The following AP2B1 variants were observed in gnomAD, a reference collection of about 807,000 sequenced individuals.
AP2B1 encodes adaptor related protein complex 2 subunit beta 1.
AP2B1 carries 23 observed loss-of-function variants against 102.0 expected under a neutral mutation model. The observed-to-expected ratio is 0.23, with a 90% CI of 0.16 to 0.32. The LOEUF (loss-of-function observed/expected upper bound fraction) is 0.32. AP2B1 is among the 10% of genes least tolerant of loss of function. AP2B1 has a pLI of 1.00. For synonymous variants in AP2B1, 381 were observed against 421.2 expected, an observed-to-expected ratio of 0.90 and a Z score of 1.17; for missense variants, 541 against 1,157.4, an observed-to-expected ratio of 0.47 and a Z score of 7.73.
intron 14 of AP2B1, chr17:35,660,197 T>C: frequency 2.0e-6 from 1 of 505,868 alleles, no homozygotes; most frequent in Non-Finnish European, 2.6e-6. Flanking sequence ...CGTAGGCTCA[T>C]CTTGAACTCC....
chr17:35,619,088 A>G (rs225245), intron 5 of AP2B1, among the ~76,000 whole-genome samples: 58,985 of 151,970 alleles, frequency 0.39, 12,034 homozygotes, highest in Non-Finnish European at 0.45. Flanking sequence ...GTACTCAGAC[A>G]CTGGAATCAG....
chr17:35,597,182 AG>A, intron 2 of AP2B1: 1 of 462,150 alleles, frequency 2.2e-6, no homozygotes, highest in Non-Finnish European at 4.0e-6. Flanking sequence ...AAGGAACGAC[AG>A]GAACAGTCTT....
chr17:35,632,925 A>G (rs2074503251), intron 9 of AP2B1, among the ~76,000 whole-genome samples: 1 of 151,624 alleles, frequency 6.6e-6, no homozygotes, highest in Non-Finnish European at 1.5e-5. Flanking sequence ...TTATTAATAT[A>G]ACAATTATAA....
chr17:35,588,575 G>T (rs2072979046), intron 1 of AP2B1: 1 of 152,222 alleles, frequency 6.6e-6, no homozygotes, highest in Non-Finnish European at 1.5e-5. Context: ...GTCTCAATGA[G>T]AATCAATTTA....
Position 35,680,686 on chromosome 17 carries a change from G to GTTTTTTT in AP2B1, c.2325-2002_2325-1996dup, listed in dbSNP as rs1167550201. On this transcript the variant is annotated intron_variant, in intron 17 of 21. Transcript: ENST00000610402. ...CCACCATGCCCAGTCTATGGTTTTGGTTTTTTTTTTTTTGTTTTTTTTTTT... is the reference window on the plus strand; with the variant it reads ...CCACCATGCCCAGTCTATGGTTTTGGTTTTTTTTTTTTTTTTTTTTGTTTTTTTTTTT... Among the ~76,000 whole-genome samples the GTTTTTTT allele has an allele frequency of 3.4e-3, 201 of 59,886 alleles. 9 individuals are homozygous for GTTTTTTT. The highest frequency in any genetic ancestry group is 4.4e-3 in the Non-Finnish European group (130 of 29,824). The allele number at this position is 59,886 out of a possible 152,430, so 39.3% of individuals were successfully genotyped here.
intron 1 of AP2B1, among the ~76,000 whole-genome samples, chr17:35,591,152 C>T (rs2073083292): frequency 6.9e-6 from 1 of 144,180 alleles, no homozygotes; most frequent in African/African-American, 2.6e-5. Context: ...GGAGCCTGGG[C>T]CACAGTGAGA....
In AP2B1 at chr17:35,591,171, C is replaced by CAA. The variant is rs35271211; in HGVS notation, c.-23-2816_-23-2815dup. Among the ~76,000 whole-genome samples, 288 of 68,608 alleles carry CAA rather than the reference C, an allele frequency of 4.2e-3. 1 individual carries two copies. The highest frequency in any genetic ancestry group is 0.011 in the African/African-American group (217 of 18,964). The allele number at this position is 68,608 out of a possible 152,430, so 45.0% of individuals were successfully genotyped here. A position where few individuals can be genotyped will look rare whatever the true frequency, so the allele number is the denominator to read the frequency against. ...CCTGGGCCACAGTGAGATTTTGTCT[C>CAA]AAAAAAAAAAAAAAAAAAAAAAGAA... On this transcript the variant is annotated intron_variant, in intron 1 of 21. Coordinates refer to ENST00000610402, the MANE Select transcript of AP2B1 (RefSeq NM_001030006.2).
rs927091832 is a variant in AP2B1, at chr17:35,725,410, C to G, written c.*1711C>G. ...GACTCAGAGGAGGAATCGTGGAAAA[C>G]AAGAGCAAAACTACCCCACACCCCT... On this transcript the variant is annotated 3_prime_UTR_variant, in exon 22 of 22. Coordinates refer to ENST00000610402, the MANE Select transcript of AP2B1 (RefSeq NM_001030006.2). 1.3e-5 allele frequency: 2 copies of G among 152,218 alleles called. No homozygotes were observed. Among genetic ancestry groups the G allele is most frequent in the African/African-American group, 4.8e-5 (2 of 41,432 alleles). The allele number at this position is 152,218 out of a possible 1,614,324, so 9.4% of individuals were successfully genotyped here.
intron 18 of AP2B1, among the ~76,000 whole-genome samples, chr17:35,690,236 C>T (rs748522344): frequency 2.0e-5 from 3 of 152,318 alleles, no homozygotes; most frequent in Non-Finnish European, 4.4e-5. Flanking sequence ...TTAAACTAAT[C>T]CAGAGCATTT....
At chr17:35,636,849 A>C (rs563814226) in intron 10 of AP2B1, among the ~76,000 whole-genome samples, 8 of 152,298 alleles carry the variant, frequency 5.3e-5, no homozygotes, top group African/African-American at 1.9e-4. Flanking sequence ...ATAAGTTTGG[A>C]TGATATATCG....
chr17:35,622,215 C>T (rs770368697), intron 5 of AP2B1, among the ~76,000 whole-genome samples: 7 of 152,126 alleles, frequency 4.6e-5, no homozygotes, highest in Non-Finnish European at 7.4e-5. Context: ...TTTGTCTTAA[C>T]AAGTATAAAA....
intron 18 of AP2B1, among the ~76,000 whole-genome samples, chr17:35,684,188 GGA>G (rs1396066368): frequency 6.6e-6 from 1 of 152,100 alleles, no homozygotes; most frequent in African/African-American, 2.4e-5. Flanking sequence ...CAATTTAACA[GGA>G]GAGAGAGAGA....
In AP2B1 at chr17:35,674,209, G is replaced by T; in HGVS notation, c.2212G>T (p.Glu738Ter). 6.2e-7 allele frequency: 1 copy of T among 1,614,212 alleles called. No homozygotes were observed. The highest frequency in any genetic ancestry group is 2.2e-5 in the East Asian group (1 of 44,886). ...ACCTGCAGTAAAGGCTAAAGGCTTG[G>T]AGATTTCCGGAACATTTACTCACCG... ...WLPAVKAKGL[E>*]ISGTFTHRQG... Residue 738 changes from glutamate (E) to a stop codon, truncating the protein, a stop_gained, in exon 17 of 22, where the codon GAG becomes TAG. Transcript: ENST00000610402. LOFTEE classifies it high-confidence loss of function.
chr17:35,635,358 A>G (rs2074576127), intron 9 of AP2B1, among the ~76,000 whole-genome samples: 1 of 151,442 alleles, frequency 6.6e-6, no homozygotes, highest in Admixed American at 6.6e-5. Flanking sequence ...CCTGGCCATA[A>G]TGGTAGTTTT....
intron 21 of AP2B1, among the ~76,000 whole-genome samples, 199 bp downstream of exon 21, chr17:35,717,548 G>C (rs1487273902): frequency 6.6e-6 from 1 of 152,188 alleles, no homozygotes. Context: ...CAACAGGAAT[G>C]GTATCTCTGG....
At chr17:35,711,494 A>T (rs939338432) in intron 20 of AP2B1, among the ~76,000 whole-genome samples, 1 of 148,192 alleles carries the variant, frequency 6.7e-6, no homozygotes, top group Admixed American at 6.8e-5. Context: ...CCCAAGATGG[A>T]GTCTCGCTCC....
intron 21 of AP2B1, among the ~76,000 whole-genome samples, chr17:35,720,496 G>A (rs1041055724): frequency 2.2e-5 from 3 of 138,990 alleles, no homozygotes; most frequent in Non-Finnish European, 1.5e-5. Flanking sequence ...TTCTGTCCTC[G>A]TGGTTTAGCC....
At chr17:35,692,740 A>T (rs1306765323) in intron 18 of AP2B1, among the ~76,000 whole-genome samples, 1 of 152,222 alleles carries the variant, frequency 6.6e-6, no homozygotes. Context: ...ACATATTTGA[A>T]TAAAACTGCA....
chr17:35,709,368 C>T (rs1436976715), intron 19 of AP2B1, 60 bp downstream of exon 19: 26 of 1,389,850 alleles, frequency 1.9e-5, no homozygotes, highest in Non-Finnish European at 2.3e-5. Context: ...GCATGTCAGG[C>T]AGAGCATAGC....
Sources: allele counts gnomAD v4.1 joint callset (sites outside exome capture counted in the v4.1 genomes callset), GRCh38; gene constraint gnomAD v4.1.1; transcripts MANE v1.5; gene names NCBI Gene and HGNC (gene_info 2026-07-23, HGNC 2026-07-21).